Variants in TJP1 observed in about 807,000 individuals in gnomAD.
TJP1 encodes the protein tight junction protein ZO-1.
A neutral mutation model predicts 194.2 loss-of-function variants in TJP1; 43 were observed. That is an observed-to-expected ratio of 0.22 (90% CI 0.17 to 0.29). The LOEUF (loss-of-function observed/expected upper bound fraction) is 0.29. Ranked by LOEUF, TJP1 falls within the 10% of genes least tolerant of loss-of-function variation. The probability of loss-of-function intolerance (pLI) is 1.00; values close to 1 mark genes in which losing one functional copy is unlikely to be tolerated. For missense variants in TJP1, 1,971 were observed against 2,185.7 expected (o/e 0.90, Z 1.96); for synonymous variants, 801 against 779.0 (o/e 1.03, Z -0.47).
chr15:29,850,170 G>T (rs11853442), intron 2 of TJP1, among the ~76,000 whole-genome samples: 1 of 151,940 alleles, frequency 6.6e-6, no homozygotes, highest in Non-Finnish European at 1.5e-5. Context: ...ACTCAAAAAC[G>T]TATGACACTT....
At chr15:29,734,110 TTC>T (rs1265684297) in intron 12 of TJP1, among the ~76,000 whole-genome samples, 162 bp downstream of exon 12, 3 of 152,182 alleles carry the variant, frequency 2.0e-5, no homozygotes, top group Admixed American at 2.0e-4. Flanking sequence ...TCATCTGAAA[TTC>T]TGTGCTCCTA....
At chr15:29,877,375 C>A (rs537879722) in intron 2 of TJP1, among the ~76,000 whole-genome samples, 2 of 152,226 alleles carry the variant, frequency 1.3e-5, no homozygotes, top group African/African-American at 4.8e-5. Context: ...CACCACCACA[C>A]CTGAGTAATT....
At chr15:29,725,426 G>A (rs1381989250) in intron 18 of TJP1, among the ~76,000 whole-genome samples, 1 of 152,142 alleles carries the variant, frequency 6.6e-6, no homozygotes, top group Non-Finnish European at 1.5e-5. Flanking sequence ...CCACAGCCAG[G>A]CAGAGGAAGG....
chr15:29,956,335 C>T, exon 2 of TJP1: 1 of 1,288,684 alleles, frequency 7.8e-7, no homozygotes, highest in Non-Finnish European at 1.0e-6. Context: ...AGAAGTAGCA[C>T]CATTAGGATT....
chr15:29,742,629 T>C lies in TJP1; in HGVS notation c.1150+13A>G, dbSNP rs779648009. 2 of 1,555,074 alleles carry C rather than the reference T, an allele frequency of 1.3e-6. No homozygotes were observed. Among genetic ancestry groups the C allele is most frequent in the Admixed American group, 2.1e-5 (1 of 48,244 alleles). On this transcript the variant is annotated intron_variant, in intron 9 of 27. Coordinates refer to ENST00000614355, the MANE Select transcript of TJP1 (RefSeq NM_001330239.4). ...GCAAATGTTTCTTGAACTTAGTGTTTCGTTATGCTTACCTGGAAGAGAAGG... is the reference window on the plus strand; with the variant it reads ...GCAAATGTTTCTTGAACTTAGTGTTCCGTTATGCTTACCTGGAAGAGAAGG...
intron 23 of TJP1, 101 bp downstream of exon 23, chr15:29,716,510 A>G: frequency 1.1e-6 from 1 of 880,398 alleles, no homozygotes. Context: ...AGCCTACAGA[A>G]ATCATATATT....
intron 2 of TJP1, among the ~76,000 whole-genome samples, chr15:29,903,529 C>T (rs183008737): frequency 9.5e-4 from 144 of 152,198 alleles, no homozygotes; most frequent in African/African-American, 3.3e-3. Flanking sequence ...ACTGCAACCT[C>T]TGCCTCCCGG....
Position 29,708,626 on chromosome 15 carries a change from T to C in TJP1, c.4783A>G (p.Ile1595Val), listed in dbSNP as rs1374195454. The C allele has an allele frequency of 6.2e-7, 1 of 1,614,174 alleles. No homozygotes were observed. The highest frequency in any genetic ancestry group is 8.5e-7 in the Non-Finnish European group (1 of 1,180,020). The change falls in exon 25 of 28, where the codon ATC (isoleucine) becomes GTC (valine). Residue 1595 changes from isoleucine (I) to valine (V), a missense_variant. By Grantham distance (29) the Ile-to-Val change is conservative (BLOSUM62 3). Transcript: ENST00000614355. The part of the protein sequence containing the change: ...EFDSGVETFS[I>V]HAEKPKYQIN... ...TGATATTTAGGCTTCTCTGCATGGA[T>C]AGAGAAAGTTTCAACTCCACTGTCA...
rs568127263 is a variant in TJP1, at chr15:29,887,336, T to A, written c.306+68896A>T. On this transcript the variant is annotated intron_variant, in intron 2 of 28. Coordinates refer to the TJP1 transcript ENST00000356107. ...TATTTTTTGAGACGGAGTTTTGCTT[T>A]TGTTGCCCAAGCTGGAGTGCAATGC... is the stretch of plus-strand genomic sequence containing the variant. Among the ~76,000 whole-genome samples, 9 of 150,964 alleles carry A rather than the reference T, an allele frequency of 6.0e-5. No individual in the cohort carries two copies. The South Asian group carries it at 1.9e-3, about 32-fold the overall frequency.
chr15:29,831,067 C>A (rs1410876948), intron 2 of TJP1, among the ~76,000 whole-genome samples: 5 of 152,116 alleles, frequency 3.3e-5, no homozygotes, highest in Non-Finnish European at 7.4e-5. Flanking sequence ...AGCAAGAGAG[C>A]CCCCAAAACA....
chr15:29,727,704 A>C (rs1414683864), intron 16 of TJP1, among the ~76,000 whole-genome samples: 1 of 152,236 alleles, frequency 6.6e-6, no homozygotes, highest in African/African-American at 2.4e-5. Context: ...TCTGTTAATT[A>C]CATCTAAAAA....
At position 29,795,057 on chromosome 15, in the gene TJP1, T is replaced by G. The variant is rs566839227; in HGVS notation, c.84+5589A>C. Among the ~76,000 whole-genome samples the G allele has an allele frequency of 1.1e-4, 16 of 152,118 alleles. No individual in the cohort carries two copies. In the East Asian group the frequency reaches 3.1e-3, roughly 29 times the overall value. The stretch of plus-strand genomic sequence containing the variant: ...TTATAGAACCATCCAAAATTAAAAA[T>G]AAGGGAATATTATGAACAATGTTAT... On this transcript the variant is annotated intron_variant, in intron 2 of 27. Coordinates refer to ENST00000614355, the MANE Select transcript of TJP1 (RefSeq NM_001330239.4).
At chr15:29,905,616 C>T (rs1402402840) in intron 2 of TJP1, among the ~76,000 whole-genome samples, 3 of 152,184 alleles carry the variant, frequency 2.0e-5, no homozygotes, top group African/African-American at 7.2e-5. Flanking sequence ...CCAAGATGTC[C>T]TCAAACAGGT....
intron 2 of TJP1, among the ~76,000 whole-genome samples, chr15:29,902,916 C>T (rs2053678994): frequency 6.6e-6 from 1 of 152,090 alleles, no homozygotes; most frequent in African/African-American, 2.4e-5. Flanking sequence ...CGCCTGTAAT[C>T]CCAGCTACTC....
upstream of TJP1, chr15:29,822,735 A>G (rs999968018): frequency 6.5e-6 from 1 of 153,486 alleles, no homozygotes; most frequent in Non-Finnish European, 1.4e-5. Context: ...GCGCCTGTGC[A>G]CCAAAGCTTT....
chr15:29,755,703 T>G (rs187053018), intron 8 of TJP1, among the ~76,000 whole-genome samples: 1 of 152,202 alleles, frequency 6.6e-6, no homozygotes, highest in Non-Finnish European at 1.5e-5. Flanking sequence ...CTGGACTGTT[T>G]TTCTATTTGT....
chr15:29,881,399 C>T (rs12148749), intron 2 of TJP1, among the ~76,000 whole-genome samples: 2,357 of 152,270 alleles, frequency 0.015, 55 homozygotes, highest in African/African-American at 0.047. Context: ...CTGTAGGCTG[C>T]CTTTTCACAC....
At chr15:29,785,537 C>A (rs1436545764) in intron 2 of TJP1, among the ~76,000 whole-genome samples, 1 of 152,156 alleles carries the variant, frequency 6.6e-6, no homozygotes. Flanking sequence ...TCAGAAATAA[C>A]TGCTTAATTT....
At position 29,798,159 on chromosome 15, in the gene TJP1, C is replaced by T. The variant is rs146391620; in HGVS notation, c.84+2487G>A. Among the ~76,000 whole-genome samples the T allele has an allele frequency of 7.6e-3, 1,155 of 152,068 alleles. 14 individuals are homozygous for T. Among genetic ancestry groups the T allele is most frequent in the African/African-American group, 0.027 (1,102 of 41,480 alleles). On this transcript the variant is annotated intron_variant, in intron 2 of 27. Transcript: ENST00000614355. ...AGCTAATTTTTGTATTTTTAGTAGA[C>T]GGGGTTTCACCACGTTGGCCAGGCT...
Sources: allele counts gnomAD v4.1 joint callset (sites outside exome capture counted in the v4.1 genomes callset), GRCh38; gene constraint gnomAD v4.1.1; transcripts MANE v1.5; gene names NCBI Gene and HGNC (gene_info 2026-07-23, HGNC 2026-07-21).